Variants in OPCML observed in about 807,000 individuals in gnomAD.
OPCML encodes the protein opioid-binding protein/cell adhesion molecule.
A neutral mutation model predicts 37.8 loss-of-function variants in OPCML; 13 were observed. The ratio of observed to expected loss-of-function variants is 0.34; its 90% CI spans 0.22 to 0.55. The LOEUF is 0.55. Ranked by LOEUF, OPCML falls within the 20% of genes least tolerant of loss-of-function variation. OPCML has a pLI of 0.91. For synonymous variants in OPCML, 176 were observed against 168.8 expected (o/e 1.04, Z -0.33); for missense variants, 341 against 435.6 (o/e 0.78, Z 1.93).
chr11:132,418,660 T>A lies in OPCML; in HGVS notation c.*1533A>T, dbSNP rs539262050. On this transcript the variant is annotated 3_prime_UTR_variant, in exon 8 of 8. Coordinates refer to ENST00000524381, the MANE Select transcript of OPCML (RefSeq NM_001012393.5). ...TAATTGGCCTCCATCAGCTTTTTAC[T>A]GGATAGTTTTCAAACAGATTAAACC... 6.6e-6 allele frequency: 1 copy of A among 152,670 alleles called. No individual in the cohort carries two copies. The highest frequency in any genetic ancestry group is 2.1e-4 in the South Asian group (1 of 4,824). 9.5% of individuals were successfully genotyped at this position (152,670 alleles called of 1,614,324 possible). A position where few individuals can be genotyped will look rare whatever the true frequency, so the allele number is the denominator to read the frequency against.
intron 4 of OPCML, among the ~76,000 whole-genome samples, chr11:132,448,579 C>G (rs774465871): frequency 1.9e-4 from 29 of 152,212 alleles, no homozygotes; most frequent in Non-Finnish European, 3.5e-4. Context: ...GGCAAGGGCT[C>G]TCCTCATCTG....
At chr11:132,652,878 C>A (rs573665900) in intron 3 of OPCML, among the ~76,000 whole-genome samples, 1 of 152,220 alleles carries the variant, frequency 6.6e-6, no homozygotes, top group Non-Finnish European at 1.5e-5. Flanking sequence ...CCAGTAGCAA[C>A]ATCAATCTGC....
At chr11:133,363,596 G>A (rs899195397) in intron 1 of OPCML, among the ~76,000 whole-genome samples, 1 of 152,190 alleles carries the variant, frequency 6.6e-6, no homozygotes, top group South Asian at 2.1e-4. Flanking sequence ...GGTTGGGGAG[G>A]TGCAGAGGCA....
At chr11:132,734,757 G>A (rs547933196) in intron 2 of OPCML, among the ~76,000 whole-genome samples, 66 of 152,318 alleles carry the variant, frequency 4.3e-4, no homozygotes, top group African/African-American at 1.5e-3. Context: ...GTTGCCGACT[G>A]TAAAAACGTA....
chr11:133,502,522 T>C (rs1947939254), intron 1 of OPCML, among the ~76,000 whole-genome samples: 1 of 152,214 alleles, frequency 6.6e-6, no homozygotes, highest in African/African-American at 2.4e-5. Context: ...AGGGACGCTC[T>C]GAGTGGGATG....
intron 1 of OPCML, among the ~76,000 whole-genome samples, chr11:133,147,347 G>A (rs925990606): frequency 5.9e-5 from 9 of 152,136 alleles, no homozygotes; most frequent in African/African-American, 1.9e-4. Context: ...ACTTTTGATA[G>A]TCTGGAGGCC....
At chr11:133,118,189 T>C in intron 1 of OPCML, 1 of 971,610 alleles carries the variant, frequency 1.0e-6, no homozygotes, top group Non-Finnish European at 1.2e-6. Flanking sequence ...AGTGCCTGTT[T>C]CCATGTGTAG....
intron 2 of OPCML, among the ~76,000 whole-genome samples, chr11:132,916,565 A>G (rs1276272626): frequency 6.6e-6 from 1 of 152,226 alleles, no homozygotes; most frequent in East Asian, 1.9e-4. Flanking sequence ...AAGCAGAATA[A>G]AAGAAGATGC....
intron 2 of OPCML, among the ~76,000 whole-genome samples, chr11:132,821,335 C>A (rs554733892): frequency 2.0e-5 from 3 of 152,262 alleles, no homozygotes; most frequent in South Asian, 2.1e-4. Context: ...TCCTTTCAAC[C>A]AGCCACAGCT....
intron 1 of OPCML, among the ~76,000 whole-genome samples, chr11:133,075,735 C>A (rs1414688910): frequency 6.6e-6 from 1 of 152,222 alleles, no homozygotes; most frequent in Non-Finnish European, 1.5e-5. Flanking sequence ...TCCCCCATCT[C>A]TGAGGCACTC....
At chr11:133,015,021 T>C (rs913980994) in intron 1 of OPCML, among the ~76,000 whole-genome samples, 1 of 152,162 alleles carries the variant, frequency 6.6e-6, no homozygotes, top group African/African-American at 2.4e-5. Flanking sequence ...AGGCAACTCA[T>C]AGGATTAAAG....
At chr11:133,073,866 C>T (rs560045943) in intron 1 of OPCML, among the ~76,000 whole-genome samples, 17 of 152,250 alleles carry the variant, frequency 1.1e-4, no homozygotes, top group East Asian at 3.9e-4. Flanking sequence ...AAAAGAAGAG[C>T]AATAAATTAT....
intron 3 of OPCML, among the ~76,000 whole-genome samples, chr11:132,569,773 G>C (rs2096432932): frequency 6.6e-6 from 1 of 152,096 alleles, no homozygotes; most frequent in Non-Finnish European, 1.5e-5. Context: ...AGATTTCTTA[G>C]CAGCAGCAAT....
intron 2 of OPCML, among the ~76,000 whole-genome samples, chr11:132,763,288 G>A (rs1450937019): frequency 6.6e-6 from 1 of 151,980 alleles, no homozygotes; most frequent in African/African-American, 2.4e-5. Flanking sequence ...CATTATTCAA[G>A]GCCTTTACAT....
chr11:132,758,736 T>C (rs1420345097), intron 2 of OPCML, among the ~76,000 whole-genome samples: 3 of 152,232 alleles, frequency 2.0e-5, no homozygotes, highest in Non-Finnish European at 4.4e-5. Flanking sequence ...CACAATCATG[T>C]CATCTGCAAA....
chr11:133,096,111 A>G (rs1948998471), intron 1 of OPCML, among the ~76,000 whole-genome samples: 1 of 144,450 alleles, frequency 6.9e-6, no homozygotes, highest in African/African-American at 2.6e-5. Context: ...TATAATAGCA[A>G]CAAGGTATTT....
chr11:133,325,747 G>C (rs1387867910), intron 1 of OPCML, among the ~76,000 whole-genome samples: 1 of 150,668 alleles, frequency 6.6e-6, no homozygotes, highest in African/African-American at 2.5e-5. Context: ...TATGTTCAAA[G>C]TGCTCATATG....
At chr11:133,400,713 AG>A (rs1242393795) in intron 1 of OPCML, among the ~76,000 whole-genome samples, 4 of 152,220 alleles carry the variant, frequency 2.6e-5, no homozygotes, top group Non-Finnish European at 5.9e-5. Flanking sequence ...TCCAGCTAGG[AG>A]CAGTCTCCAA....
At position 133,531,744 on chromosome 11, in the gene OPCML, G is replaced by GGAGAGA. The variant is rs10567773; in HGVS notation, c.61+514_61+519dup. ...GAGGAGAGTGGGGAGAGGTGGAGAG[G>GGAGAGA]GAGAGAGAGAGAGAGAGAGAGAGAG... On this transcript the variant is annotated intron_variant, in intron 1 of 7. Transcript: ENST00000524381. 8.8e-3 allele frequency among the ~76,000 whole-genome samples: 1,204 copies of GGAGAGA among 137,228 alleles called. 4 individuals are homozygous for GGAGAGA. The highest frequency in any genetic ancestry group is 0.03 in the Middle Eastern group (8 of 270). 90.0% of individuals were successfully genotyped at this position (137,228 alleles called of 152,430 possible). A position where few individuals can be genotyped will look rare whatever the true frequency, so the allele number is the denominator to read the frequency against.
Sources: gnomAD v4.1 joint callset for allele counts (sites outside exome capture counted in the v4.1 genomes callset) on GRCh38, gnomAD v4.1.1 for gene constraint, MANE v1.5 for transcripts, NCBI Gene and HGNC (gene_info 2026-07-23, HGNC 2026-07-21) for gene names.